PAX5: variants seen among roughly 807,000 people sequenced by gnomAD.
PAX5 encodes the protein paired box 5.
A neutral mutation model predicts 43.7 loss-of-function variants in PAX5; 9 were observed. That is an observed-to-expected ratio of 0.21 (90% CI 0.12 to 0.36). PAX5 has a LOEUF of 0.36. Ranked by LOEUF, PAX5 falls within the 10% of genes least tolerant of loss-of-function variation. PAX5 has a pLI of 1.00. For missense variants in PAX5, 383 were observed against 532.7 expected (o/e 0.72, Z 2.77); for synonymous variants, 228 against 214.3 (o/e 1.06, Z -0.56).
At position 36,904,258 on chromosome 9, in the gene PAX5, G is replaced by A. The variant is rs1828630695; in HGVS notation, c.910+19097C>T. On this transcript the variant is annotated intron_variant, in intron 7 of 9. Transcript: ENST00000358127. ...CCTGCCTCTCTAGCTGTTCAGGATT[G>A]AAACCAACTCTGGGGGAAGAGCTCC... Among the ~76,000 whole-genome samples, 2 of 152,262 alleles carry A rather than the reference G, an allele frequency of 1.3e-5. 1 individual carries two copies. The highest frequency in any genetic ancestry group is 4.2e-4 in the South Asian group (2 of 4,818).
chr9:36,938,911 C>G (rs1399276615), intron 6 of PAX5, among the ~76,000 whole-genome samples: 3 of 152,222 alleles, frequency 2.0e-5, no homozygotes, highest in African/African-American at 7.2e-5. Context: ...CATTACAAAG[C>G]CTCCTCCCAG....
Position 37,015,275 on chromosome 9 carries a change from C to T in PAX5, c.213-81G>A. On this transcript the variant is annotated intron_variant, in intron 2 of 9. Transcript: ENST00000358127. The surrounding 1 kb of genome is among the most constrained non-coding windows in gnomAD (Gnocchi z 4.4). ...GCAACAAAATAACGGGCTACTCTGG[C>T]CAGGAAACGTCCGGATCTGCACGTT... The T allele has an allele frequency of 7.8e-7, 1 of 1,278,644 alleles. No individual in the cohort carries two copies. The allele number at this position is 1,278,644 out of a possible 1,614,324, so 79.2% of individuals were successfully genotyped here.
At chr9:36,863,448 T>A (rs1824430966) in intron 8 of PAX5, among the ~76,000 whole-genome samples, 1 of 152,146 alleles carries the variant, frequency 6.6e-6, no homozygotes, top group South Asian at 2.1e-4. Context: ...ATTTATTTAG[T>A]GTCAGTGATG....
chr9:36,873,668 A>T (rs1825680740), intron 8 of PAX5, among the ~76,000 whole-genome samples: 1 of 152,216 alleles, frequency 6.6e-6, no homozygotes. Context: ...CCTGAGCCTG[A>T]TGCTTAGGTC....
chr9:36,913,584 G>A (rs1829483013), intron 7 of PAX5, among the ~76,000 whole-genome samples: 1 of 152,256 alleles, frequency 6.6e-6, no homozygotes, highest in Non-Finnish European at 1.5e-5. Context: ...CCAAACTGCT[G>A]ACAGTGCAGT....
intron 7 of PAX5, among the ~76,000 whole-genome samples, chr9:36,884,018 C>T (rs1261702891): frequency 2.0e-5 from 3 of 152,142 alleles, no homozygotes; most frequent in Non-Finnish European, 4.4e-5. Context: ...GTGCCTCATC[C>T]ATTTAGCTTC....
intron 5 of PAX5, among the ~76,000 whole-genome samples, chr9:36,995,713 C>T (rs575241643): frequency 9.0e-4 from 137 of 152,276 alleles, no homozygotes; most frequent in African/African-American, 2.6e-3. Flanking sequence ...TTTTCCCATG[C>T]GAATGACGGA....
At chr9:37,011,188 C>T (rs1308375918) in intron 3 of PAX5, among the ~76,000 whole-genome samples, 1 of 151,596 alleles carries the variant, frequency 6.6e-6, no homozygotes, top group East Asian at 1.9e-4. Flanking sequence ...GGCCTGCTAC[C>T]AAAATTAGAA....
Position 36,840,491 on chromosome 9 carries a change from C to T in PAX5, c.*69G>A. 1 of 1,463,714 alleles carries T rather than the reference C, an allele frequency of 6.8e-7. No homozygotes were observed. 90.7% of individuals were successfully genotyped at this position (1,463,714 alleles called of 1,614,324 possible). Reference sequence around the variant, plus strand: ...GTCTCATGGGCTCTCTGGCTATCTTCAGGAGGGCTGGGTGGCTGTCACCCT... The same window carrying T: ...GTCTCATGGGCTCTCTGGCTATCTTTAGGAGGGCTGGGTGGCTGTCACCCT... On this transcript the variant is annotated 3_prime_UTR_variant, in exon 10 of 10. Coordinates refer to ENST00000358127, the MANE Select transcript of PAX5 (RefSeq NM_016734.3).
At position 36,932,529 on chromosome 9, in the gene PAX5, A is replaced by G. The variant is rs953158809; in HGVS notation, c.781-9045T>C. The stretch of plus-strand genomic sequence containing the variant: ...AGATGCTAGAAGTGGCAAATCTACA[A>G]GCACAGAGCACAGATCCATGATTGG... On this transcript the variant is annotated intron_variant, in intron 6 of 9. Coordinates refer to ENST00000358127, the MANE Select transcript of PAX5 (RefSeq NM_016734.3). Among the ~76,000 whole-genome samples, 3 of 152,226 alleles carry G rather than the reference A, an allele frequency of 2.0e-5. No individual in the cohort carries two copies. The South Asian group carries it at 6.2e-4, about 32-fold the overall frequency.
intron 3 of PAX5, among the ~76,000 whole-genome samples, chr9:37,012,490 C>T (rs1040865790): frequency 1.3e-5 from 2 of 152,158 alleles, no homozygotes; most frequent in African/African-American, 4.8e-5. Flanking sequence ...TGGCTTTGGA[C>T]TGGACACTCA....
At chr9:37,029,189 C>A (rs1402055962) in intron 1 of PAX5, among the ~76,000 whole-genome samples, 1 of 152,206 alleles carries the variant, frequency 6.6e-6, no homozygotes, top group African/African-American at 2.4e-5. Flanking sequence ...AGAGTACAGG[C>A]TGATCATGAG....
At chr9:36,983,883 G>T (rs895716568) in intron 5 of PAX5, among the ~76,000 whole-genome samples, 2 of 152,142 alleles carry the variant, frequency 1.3e-5, no homozygotes, top group African/African-American at 4.8e-5. Context: ...TTGCTAAAAA[G>T]GGTATAGCTC....
At chr9:36,859,457 G>A (rs1275239694) in intron 8 of PAX5, among the ~76,000 whole-genome samples, 2 of 151,958 alleles carry the variant, frequency 1.3e-5, no homozygotes, top group African/African-American at 2.4e-5. Flanking sequence ...AAGCTCCCAG[G>A]GCCTCTCCCT....
At chr9:36,955,894 T>A (rs952840901) in intron 6 of PAX5, among the ~76,000 whole-genome samples, 1 of 152,018 alleles carries the variant, frequency 6.6e-6, no homozygotes, top group Non-Finnish European at 1.5e-5. Context: ...GATCTTGTTA[T>A]AAGAATCAGA....
At chr9:36,966,963 A>G (rs561854318) in intron 5 of PAX5, among the ~76,000 whole-genome samples, 1 of 152,296 alleles carries the variant, frequency 6.6e-6, no homozygotes, top group African/African-American at 2.4e-5. Context: ...GACAGGCATC[A>G]TGTCATCTAA....
In PAX5 at chr9:36,996,928, T is replaced by C. The variant is rs565811728; in HGVS notation, c.604+5720A>G. On this transcript the variant is annotated intron_variant, in intron 5 of 9. Transcript: ENST00000358127. Reference sequence around the variant, plus strand: ...GAGAGTGTGTGTGTGAGAGAGAGTATGTACGAAAAAGAAAGCTAGTGAGAG... The same window carrying C: ...GAGAGTGTGTGTGTGAGAGAGAGTACGTACGAAAAAGAAAGCTAGTGAGAG... Among the ~76,000 whole-genome samples, 5 of 151,878 alleles carry C rather than the reference T, an allele frequency of 3.3e-5. No homozygotes were observed. The East Asian group carries it at 9.7e-4, about 29-fold the overall frequency.
At chr9:36,996,463 G>C (rs1399361803) in intron 5 of PAX5, among the ~76,000 whole-genome samples, 1 of 152,236 alleles carries the variant, frequency 6.6e-6, no homozygotes, top group Non-Finnish European at 1.5e-5. Context: ...GCTCTCCAGG[G>C]ATCAGAGATC....
At chr9:36,908,810 C>T (rs1190249629) in intron 7 of PAX5, among the ~76,000 whole-genome samples, 2 of 152,176 alleles carry the variant, frequency 1.3e-5, no homozygotes, top group South Asian at 2.1e-4. Context: ...ATCTATGAGA[C>T]CATTAGCAGA....
Sources: gnomAD v4.1 joint callset for allele counts (sites outside exome capture counted in the v4.1 genomes callset) on GRCh38, gnomAD v4.1.1 for gene constraint, Gnocchi (gnomAD v3.1) non-coding constraint, MANE v1.5 for transcripts, NCBI Gene and HGNC (gene_info 2026-07-23, HGNC 2026-07-21) for gene names.